Variants in GRAP2 observed in about 807,000 individuals in gnomAD.
GRAP2 encodes the protein GRB2-related adapter protein 2.
A neutral mutation model predicts 43.5 loss-of-function variants in GRAP2; 31 were observed. That is an observed-to-expected ratio of 0.71 (90% CI 0.54 to 0.96). GRAP2 has a LOEUF of 0.96. Ranked by LOEUF, GRAP2 falls within the 40% of genes least tolerant of loss-of-function variation. The pLI is 0.00. For missense variants in GRAP2, 371 were observed against 424.4 expected, an observed-to-expected ratio of 0.87 and a Z score of 1.11; for synonymous variants, 156 against 164.8, an observed-to-expected ratio of 0.95 and a Z score of 0.41.
intron 1 of GRAP2, among the ~76,000 whole-genome samples, chr22:39,924,754 A>C (rs137978): frequency 0.52 from 79,127 of 152,092 alleles, 23,015 homozygotes; most frequent in African/African-American, 0.78. Context: ...CAAATATTTA[A>C]TGTGAGCAGG....
chr22:39,952,863 A>G (rs960003978), intron 2 of GRAP2, among the ~76,000 whole-genome samples: 2 of 152,166 alleles, frequency 1.3e-5, no homozygotes, highest in African/African-American at 2.4e-5. Flanking sequence ...TTCAGGTACC[A>G]GGGCTCATTT....
chr22:39,947,002 C>T (rs890582698), intron 1 of GRAP2, 91 bp from the exon 2 acceptor site: 6 of 792,782 alleles, frequency 7.6e-6, no homozygotes, highest in Admixed American at 7.0e-5. Flanking sequence ...TGCCCACTCT[C>T]CTAGGAACTG....
intron 1 of GRAP2, among the ~76,000 whole-genome samples, chr22:39,921,297 A>G (rs1297726859): frequency 6.6e-6 from 1 of 152,052 alleles, no homozygotes; most frequent in African/African-American, 2.4e-5. Flanking sequence ...CTATTTCCTC[A>G]CCTGTACAAT....
intron 1 of GRAP2, among the ~76,000 whole-genome samples, chr22:39,914,117 G>A (rs1400836116): frequency 6.6e-6 from 1 of 152,042 alleles, no homozygotes; most frequent in Middle Eastern, 3.2e-3. Flanking sequence ...GCTTGAAATA[G>A]TTACCACCAA....
At chr22:39,953,873 A>C (rs912017039) in intron 2 of GRAP2, among the ~76,000 whole-genome samples, 1 of 152,148 alleles carries the variant, frequency 6.6e-6, no homozygotes, top group Admixed American at 6.5e-5. Flanking sequence ...TGGGCCTCCC[A>C]AAGTGCTGGG....
chr22:39,932,710 C>G (rs1331220464), intron 1 of GRAP2, among the ~76,000 whole-genome samples: 1 of 147,490 alleles, frequency 6.8e-6, no homozygotes, highest in Non-Finnish European at 1.5e-5. Context: ...AGAATGATAC[C>G]TGTCTCAAAA....
At chr22:39,970,219 G>A (rs1158784372) in intron 7 of GRAP2, among the ~76,000 whole-genome samples, 1 of 152,068 alleles carries the variant, frequency 6.6e-6, no homozygotes, top group African/African-American at 2.4e-5. Flanking sequence ...AGGCTCAAGC[G>A]ATCCTCCTGC....
At chr22:39,955,414 G>GAA (rs137995) in intron 2 of GRAP2, among the ~76,000 whole-genome samples, 28 of 148,276 alleles carry the variant, frequency 1.9e-4, no homozygotes, top group Non-Finnish European at 3.7e-4. Context: ...ACCTGGAAGA[G>GAA]AAAAAAAAAA....
In GRAP2 at chr22:39,971,607, G is replaced by GT. The variant is rs2067244654; in HGVS notation, c.*524dup. On this transcript the variant is annotated 3_prime_UTR_variant, in exon 8 of 8. Transcript: ENST00000344138. ...GCATTAGGAATTAAGGTGCAGCCCA[G>GT]TGCTGCGGGCAGCCAAGCGAGTCTG... is the stretch of plus-strand genomic sequence containing the variant. 6.5e-6 allele frequency: 1 copy of GT among 153,018 alleles called. No individual in the cohort carries two copies. The highest frequency in any genetic ancestry group is 2.4e-5 in the African/African-American group (1 of 41,466). 9.5% of individuals were successfully genotyped at this position (153,018 alleles called of 1,614,324 possible). A position where few individuals can be genotyped will look rare whatever the true frequency, so the allele number is the denominator to read the frequency against.
chr22:39,915,828 C>T (rs572372225), intron 1 of GRAP2, among the ~76,000 whole-genome samples: 54 of 152,138 alleles, frequency 3.5e-4, no homozygotes, highest in Admixed American at 2.7e-3. Context: ...AAATTCAAGG[C>T]TCAGTAGCAT....
chr22:39,937,981 T>TA (rs1012721875), intron 1 of GRAP2, among the ~76,000 whole-genome samples: 65 of 145,916 alleles, frequency 4.5e-4, no homozygotes, highest in Admixed American at 4.8e-4. Context: ...CGTCTTGCAC[T>TA]AAAAAAAAAA....
chr22:39,968,404 T>G, intron 6 of GRAP2, 132 bp downstream of exon 6: 2 of 973,904 alleles, frequency 2.1e-6, no homozygotes, highest in Admixed American at 2.4e-5. Flanking sequence ...ATGGCAGAAA[T>G]AGGGAAACTG....
intron 5 of GRAP2, among the ~76,000 whole-genome samples, chr22:39,967,686 T>G (rs2067189069): frequency 6.6e-6 from 1 of 152,096 alleles, no homozygotes. Flanking sequence ...TGTCCAGTGG[T>G]GTGGCAACAT....
chr22:39,944,320 C>T (rs2066899305), intron 1 of GRAP2, among the ~76,000 whole-genome samples: 1 of 151,996 alleles, frequency 6.6e-6, no homozygotes, highest in South Asian at 2.1e-4. Flanking sequence ...TTTTTATGAC[C>T]AAACAGAAAA....
intron 1 of GRAP2, among the ~76,000 whole-genome samples, chr22:39,933,592 G>A (rs2066777476): frequency 6.6e-6 from 1 of 152,058 alleles, no homozygotes. Flanking sequence ...TGTAATTCCA[G>A]CACTTTCGGA....
chr22:39,956,404 G>A (rs554058292), intron 3 of GRAP2, among the ~76,000 whole-genome samples: 8 of 152,004 alleles, frequency 5.3e-5, no homozygotes, highest in South Asian at 2.1e-4. Flanking sequence ...GTGATCTGCC[G>A]CCTCAGCCTC....
intron 1 of GRAP2, among the ~76,000 whole-genome samples, chr22:39,927,843 C>G (rs2066720660): frequency 6.6e-6 from 1 of 152,228 alleles, no homozygotes; most frequent in African/African-American, 2.4e-5. Flanking sequence ...CTCCTTCATC[C>G]TATAGTTTGT....
chr22:39,961,168 G>T (rs532608936), intron 4 of GRAP2, among the ~76,000 whole-genome samples: 1 of 152,154 alleles, frequency 6.6e-6, no homozygotes, highest in East Asian at 1.9e-4. Context: ...TGCCTGGGCT[G>T]ATCTCAAACT....
chr22:39,967,552 C>T (rs2067187420), intron 5 of GRAP2, among the ~76,000 whole-genome samples: 1 of 152,190 alleles, frequency 6.6e-6, no homozygotes, highest in Non-Finnish European at 1.5e-5. Flanking sequence ...CACGTCCAGC[C>T]CGGCGGCAGG....
Sources: gnomAD v4.1 joint callset for allele counts (sites outside exome capture counted in the v4.1 genomes callset) on GRCh38, gnomAD v4.1.1 for gene constraint, MANE v1.5 for transcripts, NCBI Gene and HGNC (gene_info 2026-07-23, HGNC 2026-07-21) for gene names.